Variants in SMAP1 observed in about 807,000 individuals in gnomAD.
The protein encoded by SMAP1 is small ArfGAP 1.
In SMAP1, 24 loss-of-function variants were observed where a neutral mutation model predicts 58.5. The ratio of observed to expected loss-of-function variants is 0.41; its 90% confidence interval spans 0.30 to 0.58. The LOEUF (loss-of-function observed/expected upper bound fraction) is 0.58, where lower values mean the gene tolerates loss of function less well. Ranked by LOEUF, SMAP1 falls within the 20% of genes least tolerant of loss-of-function variation. The probability of loss-of-function intolerance (pLI) is 0.29; values close to 1 mark genes in which losing one functional copy is unlikely to be tolerated. For missense variants in SMAP1, 563 were observed against 566.3 expected (o/e 0.99, Z 0.06); for synonymous variants, 216 against 196.6 (o/e 1.10, Z -0.82).
Position 70,811,149 on chromosome 6 carries a change from G to A in SMAP1, c.576+12412G>A, listed in dbSNP as rs574596855. 2.0e-5 allele frequency among the ~76,000 whole-genome samples: 3 copies of A among 152,178 alleles called. No individual in the cohort carries two copies. The East Asian group carries it at 5.8e-4, about 29-fold the overall frequency. ...ATACTTGATTACAAGACTTTAATTT[G>A]ATTCTCAACTTTACTGTTTACTAGA... On this transcript the variant is annotated intron_variant, in intron 6 of 10. Transcript: ENST00000370455.
At chr6:70,669,129 ATGTCT>A (rs928324354) in intron 1 of SMAP1, among the ~76,000 whole-genome samples, 4 of 152,100 alleles carry the variant, frequency 2.6e-5, no homozygotes, top group Admixed American at 6.5e-5. Context: ...TTTTAAAGAA[ATGTCT>A]TGTGTAGTTA....
At chr6:70,789,224 A>T (rs1401280977) in intron 4 of SMAP1, among the ~76,000 whole-genome samples, 1 of 152,162 alleles carries the variant, frequency 6.6e-6, no homozygotes, top group Non-Finnish European at 1.5e-5. Context: ...TAGATATTTT[A>T]AGGTACAGAT....
chr6:70,716,820 T>G (rs951363728), intron 1 of SMAP1, among the ~76,000 whole-genome samples: 1 of 152,216 alleles, frequency 6.6e-6, no homozygotes, highest in Non-Finnish European at 1.5e-5. Flanking sequence ...TTAAAATTCC[T>G]TGTTGGGTAA....
intron 1 of SMAP1, among the ~76,000 whole-genome samples, chr6:70,672,931 A>G (rs1220531381): frequency 2.0e-5 from 3 of 151,994 alleles, no homozygotes; most frequent in African/African-American, 7.3e-5. Flanking sequence ...CCCTTACTAG[A>G]TAAGCTTTCT....
rs1164382649 is a variant in SMAP1, at chr6:70,860,882, A to T, written c.*548A>T. 7 of 392,470 alleles carry T rather than the reference A, an allele frequency of 1.8e-5. No individual in the cohort carries two copies. The highest frequency in any genetic ancestry group is 2.7e-5 in the Non-Finnish European group (6 of 222,368). The allele number at this position is 392,470 out of a possible 1,614,324, so 24.3% of individuals were successfully genotyped here. On this transcript the variant is annotated 3_prime_UTR_variant, in exon 11 of 11. Transcript: ENST00000370455. The stretch of plus-strand genomic sequence containing the variant: ...AACAGGGAACGTGATTAGTGAAAGG[A>T]AGATAAACGTGGATGTTACTCCAAA...
chr6:70,806,994 T>A (rs1769162396), intron 6 of SMAP1, among the ~76,000 whole-genome samples: 1 of 152,182 alleles, frequency 6.6e-6, no homozygotes, highest in Non-Finnish European at 1.5e-5. Flanking sequence ...TTCAGGTTCT[T>A]TATTGCAATT....
At chr6:70,795,718 A>G (rs7750570) in intron 5 of SMAP1, among the ~76,000 whole-genome samples, 124,332 of 151,846 alleles carry the variant, frequency 0.82, 51,580 homozygotes, top group East Asian at 1. Flanking sequence ...GGAGCAACTC[A>G]TTCTCAACAT....
At chr6:70,785,064 C>T (rs1278264463) in intron 4 of SMAP1, among the ~76,000 whole-genome samples, 2 of 152,128 alleles carry the variant, frequency 1.3e-5, no homozygotes, top group African/African-American at 4.8e-5. Context: ...TAAAGGTCTC[C>T]TCAGCAAATG....
At chr6:70,815,841 T>C (rs1769606351) in intron 6 of SMAP1, among the ~76,000 whole-genome samples, 2 of 152,158 alleles carry the variant, frequency 1.3e-5, no homozygotes, top group South Asian at 4.1e-4. Flanking sequence ...GGAAATGCAT[T>C]GAAAGGTTTC....
chr6:70,725,628 G>C (rs1212580468), intron 1 of SMAP1, among the ~76,000 whole-genome samples: 2 of 152,128 alleles, frequency 1.3e-5, no homozygotes, highest in Non-Finnish European at 2.9e-5. Flanking sequence ...AGTTTGGTGT[G>C]TGTCTCTTTC....
chr6:70,768,443 G>A (rs888918234), intron 3 of SMAP1, among the ~76,000 whole-genome samples: 33 of 152,206 alleles, frequency 2.2e-4, no homozygotes, highest in African/African-American at 3.1e-4. Flanking sequence ...TTATTGGTCT[G>A]TTCAGAGAGT....
chr6:70,797,412 G>A (rs1768649053), intron 5 of SMAP1, among the ~76,000 whole-genome samples: 2 of 152,172 alleles, frequency 1.3e-5, no homozygotes, highest in Non-Finnish European at 1.5e-5. Flanking sequence ...CACTTTGAAA[G>A]CTCCTGTGTG....
chr6:70,775,773 G>C (rs1767522249), intron 4 of SMAP1, among the ~76,000 whole-genome samples: 1 of 152,062 alleles, frequency 6.6e-6, no homozygotes, highest in South Asian at 2.1e-4. Flanking sequence ...AATGCAGAAA[G>C]ATTTACAAAA....
At chr6:70,714,947 A>G (rs1202586752) in intron 1 of SMAP1, among the ~76,000 whole-genome samples, 3 of 152,070 alleles carry the variant, frequency 2.0e-5, no homozygotes, top group Non-Finnish European at 4.4e-5. Flanking sequence ...TCAGCCTGCA[A>G]GGTTTCTGCT....
chr6:70,852,121 C>T (rs1771208218), intron 7 of SMAP1, among the ~76,000 whole-genome samples: 1 of 151,972 alleles, frequency 6.6e-6, no homozygotes, highest in Non-Finnish European at 1.5e-5. Context: ...CAAATTCCAC[C>T]TTAGCCCCTT....
intron 6 of SMAP1, among the ~76,000 whole-genome samples, chr6:70,828,446 C>T (rs145329019): frequency 7.8e-4 from 119 of 152,196 alleles, no homozygotes; most frequent in Non-Finnish European, 1.5e-3. Context: ...CTACTGAGGC[C>T]GTAGATTAGT....
intron 3 of SMAP1, among the ~76,000 whole-genome samples, chr6:70,763,098 A>G (rs1582134272): frequency 8.9e-6 from 1 of 112,958 alleles, no homozygotes; most frequent in African/African-American, 3.2e-5. Flanking sequence ...TGCACTGTAC[A>G]GATATTACTT....
Position 70,856,951 on chromosome 6 carries a change from A to G in SMAP1, c.882A>G (p.Glu294=). 6.2e-7 allele frequency: 1 copy of G among 1,614,036 alleles called. No homozygotes were observed. Among genetic ancestry groups the G allele is most frequent in the Non-Finnish European group, 8.5e-7 (1 of 1,179,900 alleles). ...LFTEQTTKSE[E]VAKKQLSKDS... Reference sequence around the variant, plus strand: ...CTGAGCAAACTACAAAATCAGAAGAAGTGGCAAAGAAACAACTTTCCAAAG... The same window carrying G: ...CTGAGCAAACTACAAAATCAGAAGAGGTGGCAAAGAAACAACTTTCCAAAG... The change falls in exon 9 of 11, where the codon GAA becomes GAG. Residue 294 remains glutamate (E), a synonymous_variant. Transcript: ENST00000370455.
chr6:70,792,487 C>T (rs1768407015), intron 5 of SMAP1, among the ~76,000 whole-genome samples: 1 of 151,866 alleles, frequency 6.6e-6, no homozygotes, highest in African/African-American at 2.4e-5. Context: ...AGCTTACAGT[C>T]TAAGGCAAGA....
Sources: allele counts gnomAD v4.1 joint callset (sites outside exome capture counted in the v4.1 genomes callset), GRCh38; gene constraint gnomAD v4.1.1; transcripts MANE v1.5; gene names NCBI Gene and HGNC (gene_info 2026-07-23, HGNC 2026-07-21).